STON1: variants seen among roughly 807,000 people sequenced by gnomAD.
The protein encoded by STON1 is stonin-1.
STON1 carries 79 observed loss-of-function variants against 60.9 expected under a neutral mutation model. The ratio of observed to expected loss-of-function variants is 1.30; its 90% CI spans 1.08 to 1.56. The LOEUF is 1.56. STON1 is among the 40% of genes most tolerant of loss of function. STON1 has a pLI of 0.00. For synonymous variants in STON1, 363 were observed against 306.9 expected (o/e 1.18, Z -1.91); for missense variants, 1,166 against 858.9 (o/e 1.36, Z -4.47).
At position 48,581,945 on chromosome 2, in the gene STON1, G is replaced by A; in HGVS notation, c.1312G>A (p.Val438Met). Residue 438 changes from valine (V) to methionine (M), a missense_variant, in exon 2 of 4, where the codon GTG becomes ATG. Transcript: ENST00000404752. ...TKEGKFVESAVITQIYCLCFV... is the reference protein window; with the variant it reads ...TKEGKFVESAMITQIYCLCFV... Reference sequence around the variant, plus strand: ...AGAAGGAAAATTTGTTGAAAGTGCTGTGATAACTCAAATTTATTGCCTCTG... The same window carrying A: ...AGAAGGAAAATTTGTTGAAAGTGCTATGATAACTCAAATTTATTGCCTCTG... 6.2e-7 allele frequency: 1 copy of A among 1,614,178 alleles called. No individual in the cohort carries two copies. Among genetic ancestry groups the A allele is most frequent in the Non-Finnish European group, 8.5e-7 (1 of 1,180,040 alleles).
chr2:48,552,148 T>C (rs917914598), intron 1 of STON1, among the ~76,000 whole-genome samples: 8 of 152,282 alleles, frequency 5.3e-5, no homozygotes, highest in African/African-American at 1.7e-4. Flanking sequence ...GTCCATGCAA[T>C]GGAATATTAT....
intron 1 of STON1, among the ~76,000 whole-genome samples, chr2:48,570,843 GTTT>G (rs70946811): frequency 4.7e-3 from 364 of 76,992 alleles, no homozygotes; most frequent in African/African-American, 0.018. Context: ...CTGTCTCTGA[GTTT>G]TTTTTTTTTT....
intron 1 of STON1, among the ~76,000 whole-genome samples, chr2:48,538,124 A>AT (rs987165662): frequency 2.0e-5 from 3 of 151,536 alleles, no homozygotes; most frequent in African/African-American, 7.3e-5. Context: ...GGCCCAGCTA[A>AT]TTTTTTGTAT....
intron 1 of STON1, among the ~76,000 whole-genome samples, chr2:48,549,083 A>G (rs1671985018): frequency 6.6e-6 from 1 of 152,152 alleles, no homozygotes; most frequent in African/African-American, 2.4e-5. Context: ...TGCTAATAGC[A>G]CTGGAGTCAC....
intron 1 of STON1, among the ~76,000 whole-genome samples, chr2:48,538,684 A>G (rs1233669073): frequency 2.7e-5 from 4 of 147,376 alleles, no homozygotes; most frequent in Non-Finnish European, 5.9e-5. Flanking sequence ...TGCAACCTCT[A>G]CTTCCAGGGT....
chr2:48,534,888 A>C (rs550543073), intron 1 of STON1, among the ~76,000 whole-genome samples: 10 of 152,320 alleles, frequency 6.6e-5, no homozygotes, highest in Middle Eastern at 6.8e-3. Flanking sequence ...TCTCTTTAGA[A>C]GTCTTTGGTA....
Position 48,557,395 on chromosome 2 carries a change from C to A in STON1, c.-47-23192C>A, listed in dbSNP as rs1304312891. Among the ~76,000 whole-genome samples the A allele has an allele frequency of 2.1e-5, 2 of 95,834 alleles. 1 individual carries two copies. The highest frequency in any genetic ancestry group is 5.4e-4 in the East Asian group (2 of 3,706). 62.9% of individuals were successfully genotyped at this position (95,834 alleles called of 152,430 possible). A position where few individuals can be genotyped will look rare whatever the true frequency, so the allele number is the denominator to read the frequency against. The stretch of plus-strand genomic sequence containing the variant: ...GACGATGGGCGGCCGAGCAGAGAGG[C>A]TCCTCACTTCCTAGATGTGATGGCG... On this transcript the variant is annotated intron_variant, in intron 1 of 3. Coordinates refer to ENST00000404752, the MANE Select transcript of STON1 (RefSeq NM_006873.4).
intron 1 of STON1, among the ~76,000 whole-genome samples, chr2:48,539,921 C>G (rs1190479013): frequency 6.6e-6 from 1 of 152,116 alleles, no homozygotes; most frequent in Non-Finnish European, 1.5e-5. Context: ...ACATATGGAG[C>G]AGCTTTTTAT....
chr2:48,531,434 G>T (rs974126156), intron 1 of STON1: 1 of 152,212 alleles, frequency 6.6e-6, no homozygotes, highest in Non-Finnish European at 1.5e-5. Flanking sequence ...TTGGGTGGAA[G>T]AATTGTTTAG....
intron 1 of STON1, among the ~76,000 whole-genome samples, chr2:48,578,367 G>C (rs1673645870): frequency 1.3e-5 from 2 of 152,220 alleles, no homozygotes; most frequent in Non-Finnish European, 2.9e-5. Flanking sequence ...GTCCAGGACG[G>C]CTTTGAATGC....
intron 1 of STON1, among the ~76,000 whole-genome samples, chr2:48,536,598 A>G (rs1671441668): frequency 6.6e-6 from 1 of 151,692 alleles, no homozygotes; most frequent in Admixed American, 6.6e-5. Context: ...CTATATAAGG[A>G]AGAACGCAAA....
At chr2:48,561,153 G>A (rs1211812355) in intron 1 of STON1, among the ~76,000 whole-genome samples, 2 of 152,164 alleles carry the variant, frequency 1.3e-5, no homozygotes, top group African/African-American at 2.4e-5. Context: ...TCTGGATACT[G>A]CCTCTTGTGT....
chr2:48,564,439 T>C (rs868590133), intron 1 of STON1, among the ~76,000 whole-genome samples: 62 of 48,878 alleles, frequency 1.3e-3, no homozygotes, highest in African/African-American at 4.4e-3. Flanking sequence ...TTCTTCTTCT[T>C]CTTCTTCTTC....
At chr2:48,557,120 C>T (rs1466833317) in intron 1 of STON1, among the ~76,000 whole-genome samples, 3 of 102,358 alleles carry the variant, frequency 2.9e-5, no homozygotes, top group Non-Finnish European at 4.2e-5. Context: ...CGGGCGGAGA[C>T]GCTCCTCACT....
intron 1 of STON1, among the ~76,000 whole-genome samples, chr2:48,553,195 CAG>C (rs1572939006): frequency 6.6e-6 from 1 of 152,272 alleles, no homozygotes; most frequent in Admixed American, 6.5e-5. Context: ...GGAGGGGAAA[CAG>C]AGTCTTCCTC....
chr2:48,580,665 C>T lies in STON1; in HGVS notation c.32C>T (p.Thr11Ile). 7.1e-7 allele frequency: 1 copy of T among 1,404,986 alleles called. No homozygotes were observed. The allele number at this position is 1,404,986 out of a possible 1,614,324, so 87.0% of individuals were successfully genotyped here. ...TCCACAAATCCAGGCAAATGGGTCA[C>T]CTTTGATGATGATCCTGCTGTTCAA... is the stretch of plus-strand genomic sequence containing the variant. The part of the protein sequence containing the change: MCSTNPGKWV[T>I]FDDDPAVQSS... The change falls in exon 2 of 4, where the codon ACC becomes ATC. Residue 11 changes from threonine to isoleucine, a missense_variant. Physicochemically the swap from Thr to Ile is moderately conservative, Grantham distance 89. Transcript: ENST00000404752.
At position 48,595,423 on chromosome 2, in the gene STON1, A is replaced by T. The variant is rs924277609; in HGVS notation, c.*121A>T. 1.5e-5 allele frequency: 12 copies of T among 812,404 alleles called. No homozygotes were observed. The highest frequency in any genetic ancestry group is 2.2e-5 in the Non-Finnish European group (11 of 511,044). 50.3% of individuals were successfully genotyped at this position (812,404 alleles called of 1,614,324 possible). A position where few individuals can be genotyped will look rare whatever the true frequency, so the allele number is the denominator to read the frequency against. On this transcript the variant is annotated 3_prime_UTR_variant, in exon 4 of 4. Coordinates refer to ENST00000404752, the MANE Select transcript of STON1 (RefSeq NM_006873.4). The stretch of plus-strand genomic sequence containing the variant: ...GAATAGCGGTTTTAGGACAGGTCTG[A>T]TGGCTGTGTTTAGAGAAGTTTAGAC...
intron 1 of STON1, among the ~76,000 whole-genome samples, chr2:48,574,218 G>C (rs1673356493): frequency 6.6e-6 from 1 of 151,798 alleles, no homozygotes; most frequent in Non-Finnish European, 1.5e-5. Context: ...TCTACTAAAA[G>C]TACAAAAATT....
chr2:48,563,208 C>T (rs1428475863), intron 1 of STON1, among the ~76,000 whole-genome samples: 3 of 152,190 alleles, frequency 2.0e-5, no homozygotes, highest in East Asian at 3.9e-4. Flanking sequence ...CCAGGAGAGT[C>T]CTGGGGCCTA....
Sources: gnomAD v4.1 joint callset for allele counts (sites outside exome capture counted in the v4.1 genomes callset) on GRCh38, gnomAD v4.1.1 for gene constraint, MANE v1.5 for transcripts, NCBI Gene and HGNC (gene_info 2026-07-23, HGNC 2026-07-21) for gene names.